Variants in CAMK2D observed in about 807,000 individuals in gnomAD.
CAMK2D encodes calcium/calmodulin dependent protein kinase II delta, also known as calcium/calmodulin-dependent protein kinase type II subunit delta.
In CAMK2D, 37 loss-of-function variants were observed where a neutral mutation model predicts 84.0. The observed-to-expected ratio is 0.44, with a 90% CI of 0.34 to 0.58. The LOEUF (loss-of-function observed/expected upper bound fraction) is 0.58. CAMK2D is among the 20% of genes least tolerant of loss of function. The probability of loss-of-function intolerance (pLI) is 0.02; values close to 1 mark genes in which losing one functional copy is unlikely to be tolerated. For missense variants in CAMK2D, 448 were observed against 652.5 expected (o/e 0.69, Z 3.41); for synonymous variants, 202 against 212.5 (o/e 0.95, Z 0.43).
intron 2 of CAMK2D, among the ~76,000 whole-genome samples, chr4:113,711,876 G>A (rs1375748512): frequency 2.0e-5 from 3 of 152,018 alleles, no homozygotes; most frequent in East Asian, 1.9e-4. Context: ...TTAAAATAAC[G>A]TTACCATTTT....
chr4:113,559,005 G>C (rs192963483), intron 4 of CAMK2D, among the ~76,000 whole-genome samples: 2 of 151,706 alleles, frequency 1.3e-5, no homozygotes, highest in South Asian at 4.2e-4. Context: ...TACTAAAATC[G>C]AATATTAATT....
chr4:113,684,861 G>A (rs1185554484), intron 2 of CAMK2D, among the ~76,000 whole-genome samples: 1 of 152,138 alleles, frequency 6.6e-6, no homozygotes, highest in Non-Finnish European at 1.5e-5. Context: ...TTCAAATAAT[G>A]TGCTGCAGCA....
At chr4:113,539,742 G>T (rs1302403997) in intron 6 of CAMK2D, among the ~76,000 whole-genome samples, 1 of 152,158 alleles carries the variant, frequency 6.6e-6, no homozygotes, top group Non-Finnish European at 1.5e-5. Context: ...AGAAGAAAAG[G>T]CAGGGTTATT....
intron 4 of CAMK2D, among the ~76,000 whole-genome samples, chr4:113,589,259 G>T (rs2098847975): frequency 1.3e-5 from 2 of 152,144 alleles, no homozygotes; most frequent in African/African-American, 2.4e-5. Context: ...GGTGAGGGTA[G>T]AAAGAGGAAA....
At chr4:113,687,355 T>C (rs1038248665) in intron 2 of CAMK2D, among the ~76,000 whole-genome samples, 2 of 152,186 alleles carry the variant, frequency 1.3e-5, no homozygotes, top group African/African-American at 4.8e-5. Flanking sequence ...TCAATTGATC[T>C]TACATGTCAT....
intron 2 of CAMK2D, among the ~76,000 whole-genome samples, chr4:113,706,667 G>A (rs757012026): frequency 6.6e-6 from 1 of 152,138 alleles, no homozygotes; most frequent in Non-Finnish European, 1.5e-5. Flanking sequence ...CATTTCCTTA[G>A]TAAAATAAGT....
At chr4:113,478,037 A>G (rs2097652199) in intron 16 of CAMK2D, among the ~76,000 whole-genome samples, 2 of 152,294 alleles carry the variant, frequency 1.3e-5, no homozygotes, top group South Asian at 4.2e-4. Context: ...TAAGTAATTA[A>G]TATTCCACAC....
intron 4 of CAMK2D, among the ~76,000 whole-genome samples, chr4:113,566,573 C>T (rs1002411827): frequency 9.9e-5 from 15 of 152,220 alleles, no homozygotes; most frequent in African/African-American, 3.4e-4. Flanking sequence ...ATTCCTCTTT[C>T]TGGCCTACAA....
intron 8 of CAMK2D, among the ~76,000 whole-genome samples, chr4:113,524,089 C>G (rs2098397459): frequency 6.6e-6 from 1 of 152,042 alleles, no homozygotes; most frequent in Non-Finnish European, 1.5e-5. Context: ...CTAAGCTGGT[C>G]TCAAACTTCT....
At chr4:113,740,893 T>C (rs922588396) in intron 2 of CAMK2D, among the ~76,000 whole-genome samples, 4 of 152,174 alleles carry the variant, frequency 2.6e-5, no homozygotes, top group Non-Finnish European at 4.4e-5. Flanking sequence ...TCAACCACCA[T>C]CCAAAACTGT....
chr4:113,513,187 G>T, intron 12 of CAMK2D, 141 bp downstream of exon 12: 1 of 1,479,038 alleles, frequency 6.8e-7, no homozygotes, highest in East Asian at 2.5e-5. Context: ...AGGTGTAGAA[G>T]GAATCTGTGC....
At chr4:113,491,418 T>C (rs2097842455) in intron 16 of CAMK2D, among the ~76,000 whole-genome samples, 1 of 149,210 alleles carries the variant, frequency 6.7e-6, no homozygotes, top group South Asian at 2.2e-4. Flanking sequence ...TTTTTGTCTT[T>C]GGCTCTGTGT....
intron 4 of CAMK2D, among the ~76,000 whole-genome samples, chr4:113,608,928 A>T (rs1389529293): frequency 6.6e-6 from 1 of 152,198 alleles, no homozygotes; most frequent in East Asian, 1.9e-4. Context: ...AGAAATAACT[A>T]TTTCACTTAG....
chr4:113,457,695 A>C, intron 18 of CAMK2D, 132 bp from the exon 19 acceptor site: 1 of 666,808 alleles, frequency 1.5e-6, no homozygotes, highest in Non-Finnish European at 2.6e-6. Context: ...TAATTAATCT[A>C]CTATTTGTAC....
chr4:113,744,916 CA>C (rs1444635934), intron 2 of CAMK2D, among the ~76,000 whole-genome samples: 2 of 152,190 alleles, frequency 1.3e-5, no homozygotes, highest in Non-Finnish European at 2.9e-5. Context: ...AAATACATAT[CA>C]ATTAATCATC....
Position 113,457,358 on chromosome 4 carries a change from C to A in CAMK2D, c.1512G>T (p.Ser504=), listed in dbSNP as rs927064618. 1.2e-6 allele frequency: 2 copies of A among 1,613,616 alleles called. No homozygotes were observed. Among genetic ancestry groups the A allele is most frequent in the Non-Finnish European group, 1.7e-6 (2 of 1,179,696 alleles). ...GKWQNVHFHR[S]GSPTVPIKPP... ...ACTTGATGGGTACTGTTGGTGACCC[C>A]GAGCGATGAAAATGAACATTCTGCC... The change falls in exon 19 of 21, where the codon TCG becomes TCT. Residue 504 remains serine (S), a synonymous_variant. Transcript: ENST00000511664.
chr4:113,664,521 G>C (rs1487338395), intron 2 of CAMK2D, among the ~76,000 whole-genome samples: 2 of 152,130 alleles, frequency 1.3e-5, no homozygotes, highest in Admixed American at 1.3e-4. Context: ...TTGAGGTAAG[G>C]GTCTGAGTTC....
chr4:113,740,107 T>C (rs2099589384), intron 2 of CAMK2D, among the ~76,000 whole-genome samples: 1 of 152,184 alleles, frequency 6.6e-6, no homozygotes, highest in South Asian at 2.1e-4. Context: ...ATGTTTCCTT[T>C]GTATTTCTTG....
At chr4:113,595,036 GAAAAACAAAGAAAAAGA>G (rs1421623038) in intron 4 of CAMK2D, among the ~76,000 whole-genome samples, 7 of 151,296 alleles carry the variant, frequency 4.6e-5, no homozygotes, top group Non-Finnish European at 7.4e-5. Context: ...TCAAACATCA[GAAAAACAAAGAAAAAGA>G]AAAAACAAAG....
Sources: allele counts gnomAD v4.1 joint callset (sites outside exome capture counted in the v4.1 genomes callset), GRCh38; gene constraint gnomAD v4.1.1; transcripts MANE v1.5; gene names NCBI Gene and HGNC (gene_info 2026-07-23, HGNC 2026-07-21).